LRRC4C: variants seen among roughly 807,000 people sequenced by gnomAD.
The protein encoded by LRRC4C is leucine-rich repeat-containing protein 4C.
LRRC4C carries 5 observed loss-of-function variants against 33.6 expected under a neutral mutation model. That is an observed-to-expected ratio of 0.15 (90% confidence interval 0.08 to 0.31). The LOEUF (loss-of-function observed/expected upper bound fraction) is 0.31. LRRC4C is among the 10% of genes least tolerant of loss of function. The pLI, the probability that LRRC4C is intolerant of heterozygous loss-of-function variation, is 1.00. For synonymous variants in LRRC4C, 329 were observed against 302.0 expected (o/e 1.09, Z -0.93); for missense variants, 560 against 796.7 (o/e 0.70, Z 3.58).
At chr11:41,206,873 A>T (rs1247277108) in intron 1 of LRRC4C, among the ~76,000 whole-genome samples, 1 of 152,172 alleles carries the variant, frequency 6.6e-6, no homozygotes, top group Non-Finnish European at 1.5e-5. Flanking sequence ...ACGTAATGTA[A>T]TAAGATGAGA....
At chr11:40,638,096 C>T (rs1353839169) in intron 3 of LRRC4C, among the ~76,000 whole-genome samples, 1 of 152,198 alleles carries the variant, frequency 6.6e-6, no homozygotes. Context: ...GCAATGCACT[C>T]CCATGCAAGC....
intron 3 of LRRC4C, among the ~76,000 whole-genome samples, chr11:40,511,452 T>C (rs186815540): frequency 2.0e-5 from 3 of 152,174 alleles, no homozygotes; most frequent in Non-Finnish European, 4.4e-5. Flanking sequence ...ATCTAGGAAC[T>C]AAAATTGCTA....
chr11:40,226,455 AT>A (rs1864804944), intron 5 of LRRC4C, among the ~76,000 whole-genome samples: 1 of 152,172 alleles, frequency 6.6e-6, no homozygotes, highest in African/African-American at 2.4e-5. Context: ...TGCCAATAAT[AT>A]TTTGCTAGCA....
chr11:41,415,744 A>C (rs571101826), intron 1 of LRRC4C, among the ~76,000 whole-genome samples: 1 of 152,274 alleles, frequency 6.6e-6, no homozygotes, highest in South Asian at 2.1e-4. Flanking sequence ...ATTCGTTTGC[A>C]ACACTGATAT....
intron 3 of LRRC4C, among the ~76,000 whole-genome samples, chr11:40,428,530 T>G (rs1361994079): frequency 6.6e-6 from 1 of 152,220 alleles, no homozygotes; most frequent in African/African-American, 2.4e-5. Context: ...AACTAGCTGC[T>G]GTTTATGTAA....
At chr11:40,192,262 G>A (rs889205286) in intron 5 of LRRC4C, among the ~76,000 whole-genome samples, 1 of 152,076 alleles carries the variant, frequency 6.6e-6, no homozygotes, top group Non-Finnish European at 1.5e-5. Flanking sequence ...TTTCCAGTGA[G>A]GTACCTGGTT....
At chr11:40,258,751 A>G (rs145515919) in intron 4 of LRRC4C, among the ~76,000 whole-genome samples, 1 of 152,322 alleles carries the variant, frequency 6.6e-6, no homozygotes, top group Non-Finnish European at 1.5e-5. Context: ...TCCAAAATAT[A>G]CTTTACTTAA....
At chr11:40,916,677 C>A (rs1956973786) in intron 2 of LRRC4C, among the ~76,000 whole-genome samples, 1 of 150,890 alleles carries the variant, frequency 6.6e-6, no homozygotes, top group Admixed American at 6.6e-5. Context: ...TGCACATGTA[C>A]CCTAAAACTT....
At chr11:40,642,078 T>G (rs1281295094) in intron 3 of LRRC4C, among the ~76,000 whole-genome samples, 1 of 150,900 alleles carries the variant, frequency 6.6e-6, no homozygotes, top group Non-Finnish European at 1.5e-5. Context: ...GTGTCATGGG[T>G]GGGTGGGATT....
chr11:40,835,396 T>C (rs1952625335), intron 2 of LRRC4C, among the ~76,000 whole-genome samples: 1 of 152,214 alleles, frequency 6.6e-6, no homozygotes, highest in Non-Finnish European at 1.5e-5. Context: ...CTTACATATT[T>C]AGAGACTGAT....
chr11:41,046,923 G>A (rs1326492523), intron 1 of LRRC4C, among the ~76,000 whole-genome samples: 2 of 152,064 alleles, frequency 1.3e-5, no homozygotes, highest in Non-Finnish European at 2.9e-5. Flanking sequence ...CAGATCTGAA[G>A]GAAGGTGTAC....
chr11:41,182,483 G>A (rs1348278834), intron 1 of LRRC4C, among the ~76,000 whole-genome samples: 1 of 152,110 alleles, frequency 6.6e-6, no homozygotes, highest in Non-Finnish European at 1.5e-5. Context: ...ACTCTGTCAA[G>A]TCCATAGGTA....
intron 5 of LRRC4C, among the ~76,000 whole-genome samples, chr11:40,210,322 A>C (rs958396761): frequency 1.3e-5 from 2 of 152,144 alleles, no homozygotes; most frequent in Admixed American, 1.3e-4. Flanking sequence ...AGAGCTTATA[A>C]GCTTTCTGGG....
intron 3 of LRRC4C, among the ~76,000 whole-genome samples, chr11:40,627,822 T>A (rs1403708513): frequency 2.6e-5 from 4 of 152,170 alleles, no homozygotes; most frequent in Non-Finnish European, 4.4e-5. Flanking sequence ...TTAACCCCCA[T>A]CAAGAATTAC....
intron 3 of LRRC4C, among the ~76,000 whole-genome samples, chr11:40,485,728 C>T (rs1374409420): frequency 6.6e-6 from 1 of 151,834 alleles, no homozygotes; most frequent in East Asian, 1.9e-4. Flanking sequence ...CAGCACTATT[C>T]ACAAAAGACA....
At chr11:40,399,694 A>C (rs1196071993) in intron 3 of LRRC4C, among the ~76,000 whole-genome samples, 1 of 151,966 alleles carries the variant, frequency 6.6e-6, no homozygotes, top group East Asian at 1.9e-4. Flanking sequence ...AATAATAAAA[A>C]ACCACCACCA....
At chr11:41,215,267 C>G (rs1947009069) in intron 1 of LRRC4C, among the ~76,000 whole-genome samples, 1 of 151,578 alleles carries the variant, frequency 6.6e-6, no homozygotes, top group Non-Finnish European at 1.5e-5. Flanking sequence ...GTGGGTGGAT[C>G]ACCTGAGGTC....
chr11:40,348,753 A>T lies in LRRC4C; in HGVS notation c.-269-29032T>A, dbSNP rs768893610. Among the ~76,000 whole-genome samples, 7 of 152,318 alleles carry T rather than the reference A, an allele frequency of 4.6e-5. No individual in the cohort carries two copies. In the East Asian group the frequency reaches 1.2e-3, roughly 25 times the overall value. The stretch of plus-strand genomic sequence containing the variant: ...GTATGATGGAAACTATAATAATTTT[A>T]AAAATATAGTTTCTTATACAACACA... On this transcript the variant is annotated intron_variant, in intron 3 of 6. Coordinates refer to ENST00000528697, the MANE Select transcript of LRRC4C (RefSeq NM_001258419.2).
intron 3 of LRRC4C, among the ~76,000 whole-genome samples, chr11:40,636,469 A>G (rs1394124538): frequency 6.6e-6 from 1 of 152,128 alleles, no homozygotes; most frequent in Non-Finnish European, 1.5e-5. Flanking sequence ...TCAGAAAGTA[A>G]AGGAAAACCA....
Sources: allele counts gnomAD v4.1 joint callset (sites outside exome capture counted in the v4.1 genomes callset), GRCh38; gene constraint gnomAD v4.1.1; transcripts MANE v1.5; gene names NCBI Gene and HGNC (gene_info 2026-07-23, HGNC 2026-07-21).